Variants in TAF5L observed in about 807,000 individuals in gnomAD.
TAF5L encodes the protein TATA-box binding protein associated factor 5 like.
TAF5L carries 7 observed loss-of-function variants against 51.3 expected under a neutral mutation model. That is an observed-to-expected ratio of 0.14 (90% confidence interval 0.08 to 0.26). The LOEUF (loss-of-function observed/expected upper bound fraction) is 0.26, where lower values mean the gene tolerates loss of function less well. Among genes scored for constraint, TAF5L ranks in the 10% least tolerant of loss-of-function variants. TAF5L has a pLI of 1.00. For missense variants in TAF5L, 575 were observed against 758.9 expected (o/e 0.76, Z 2.85); for synonymous variants, 291 against 308.1 (o/e 0.94, Z 0.58).
chr1:229,621,479 A>G (rs1665200462), intron 1 of TAF5L, among the ~76,000 whole-genome samples: 1 of 152,236 alleles, frequency 6.6e-6, no homozygotes. Context: ...AGTATTTTAT[A>G]GTGTTTTCTA....
At position 229,594,301 on chromosome 1, in the gene TAF5L, T is replaced by C. The variant is rs1459169155; in HGVS notation, c.1766A>G (p.His589Arg). 7.5e-6 allele frequency: 12 copies of C among 1,604,038 alleles called. No homozygotes were observed. Among genetic ancestry groups the C allele is most frequent in the South Asian group, 1.1e-5 (1 of 90,700 alleles). The change falls in exon 5 of 5, where the codon CAT (histidine) becomes CGT (arginine). Residue 589 changes from histidine (H) to arginine (R), a missense_variant. His to Arg is a conservative substitution (Grantham distance 29). Transcript: ENST00000258281. The surrounding 1 kb of genome is among the most constrained non-coding windows in gnomAD (Gnocchi z 7.9). ...CGTTCCAACAAAGTTAAAAAATTAA[T>C]GTTCCTGATTTTCTTGTGTAATTCC... is the stretch of plus-strand genomic sequence containing the variant.
rs1414660406 is a variant in TAF5L at position 229,602,383 on chromosome 1, A to T, written c.784T>A (p.Tyr262Asn). Residue 262 changes from tyrosine (Y) to asparagine (N), a missense_variant, in exon 4 of 5, where the codon TAT becomes AAT. Physicochemically the swap from Tyr to Asn is moderately radical, Grantham distance 143 (BLOSUM62 -2). Around this residue, in one of 3 missense-constraint regions of TAF5L, gnomAD observed 380 missense variants for 443.7 expected, o/e 0.86. Transcript: ENST00000258281. The surrounding 1 kb of genome is among the most constrained non-coding windows in gnomAD (Gnocchi z 4.6). ...AGCTGCTCTGTGTTATAGAAGGCAT[A>T]GAAGCAGATGGTAGTGAGGGAGGGA... 1 of 1,614,220 alleles carries T rather than the reference A, an allele frequency of 6.2e-7. No individual in the cohort carries two copies. The highest frequency in any genetic ancestry group is 1.1e-5 in the South Asian group (1 of 91,082).
At chr1:229,620,957 T>A (rs1242262269) in intron 1 of TAF5L, among the ~76,000 whole-genome samples, 2 of 28,412 alleles carry the variant, frequency 7.0e-5, no homozygotes, top group Non-Finnish European at 1.2e-4. Flanking sequence ...AAAACATTTA[T>A]GTGTGTGTGT....
At chr1:229,600,828 C>T (rs1664346480) in intron 4 of TAF5L, 1 of 985,130 alleles carries the variant, frequency 1.0e-6, no homozygotes, top group South Asian at 4.7e-5. Context: ...TATCAGATGT[C>T]ATAATGCTAT....
chr1:229,594,478 A>G lies in TAF5L; in HGVS notation c.1589T>C (p.Met530Thr), dbSNP rs776768277. ...GTCCCAGACGCGCACCGAGTTGTCC[A>G]TGGAGGCAGAGGCAATCAAGCCGCT... Residue 530 changes from methionine to threonine, a missense_variant, in exon 5 of 5, where the codon ATG becomes ACG. Physicochemically the swap from Met to Thr is moderately conservative, Grantham distance 81 (BLOSUM62 -1). Around this residue, in one of 3 missense-constraint regions of TAF5L, gnomAD observed 91 missense variants for 96.9 expected, o/e 0.94. Coordinates refer to ENST00000258281, the Ensembl canonical transcript of TAF5L. This position sits in a 1 kb window ranked among gnomAD's most constrained non-coding sequence, Gnocchi z 7.9. 2.5e-6 allele frequency: 4 copies of G among 1,613,992 alleles called. No homozygotes were observed. The highest frequency in any genetic ancestry group is 2.5e-6 in the Non-Finnish European group (3 of 1,180,026).
intron 4 of TAF5L, among the ~76,000 whole-genome samples, chr1:229,595,583 G>A (rs774061422): frequency 3.8e-4 from 58 of 152,218 alleles, no homozygotes; most frequent in African/African-American, 1.3e-3. Context: ...ACAACATTTC[G>A]TTAAGTCCTG....
chr1:229,611,602 C>A (rs1052865106), intron 2 of TAF5L, among the ~76,000 whole-genome samples: 1 of 152,092 alleles, frequency 6.6e-6, no homozygotes, highest in Admixed American at 6.5e-5. Flanking sequence ...TCTTCTTGCC[C>A]CCCGCTTAGT....
intron 2 of TAF5L, among the ~76,000 whole-genome samples, chr1:229,611,314 T>C (rs1168297511): frequency 6.6e-6 from 1 of 152,130 alleles, no homozygotes; most frequent in Non-Finnish European, 1.5e-5. Flanking sequence ...TCCTCCTGTT[T>C]ACAAGAGGAG....
chr1:229,601,455 C>T lies in TAF5L; in HGVS notation c.972+740G>A, dbSNP rs534212890. 7 of 985,350 alleles carry T rather than the reference C, an allele frequency of 7.1e-6. No homozygotes were observed. The South Asian group carries it at 1.9e-4, about 26-fold the overall frequency. 61.0% of individuals were successfully genotyped at this position (985,350 alleles called of 1,614,324 possible). ...TAATGCTGTGAAGTTTAATTTCTAT[C>T]TTCCTTGGCCCACATTTTTTCTAAG... On this transcript the variant is annotated intron_variant, in intron 4 of 4. Coordinates refer to ENST00000258281, the Ensembl canonical transcript of TAF5L.
At chr1:229,593,204 T>C (rs971055450) in exon 5 of TAF5L, 4 of 152,178 alleles carry the variant, frequency 2.6e-5, no homozygotes, top group Admixed American at 6.5e-5. Context: ...TTTCCACAAA[T>C]TAGAACTTGC....
rs1221093560 is a variant in TAF5L at position 229,602,417 on chromosome 1, C to T, written c.750G>A (p.Lys250=). ...TGGTAGTGAGGGAGGGAGGCCCATCCTTGACTCGCTTAATGCTCTCCTGTA... is the reference window on the plus strand; with the variant it reads ...TGGTAGTGAGGGAGGGAGGCCCATCTTTGACTCGCTTAATGCTCTCCTGTA... Residue 250 remains lysine, a synonymous_variant, in exon 4 of 5, where the codon AAG becomes AAA. Coordinates refer to ENST00000258281, the Ensembl canonical transcript of TAF5L. This position sits in a 1 kb window ranked among gnomAD's most constrained non-coding sequence, Gnocchi z 4.6. The T allele has an allele frequency of 1.2e-6, 2 of 1,613,994 alleles. No individual in the cohort carries two copies. Among genetic ancestry groups the T allele is most frequent in the Non-Finnish European group, 1.7e-6 (2 of 1,180,020 alleles).
At chr1:229,616,337 A>G (rs12402110) in intron 1 of TAF5L, among the ~76,000 whole-genome samples, 42,463 of 151,470 alleles carry the variant, frequency 0.28, 6,196 homozygotes, top group South Asian at 0.41. Flanking sequence ...TAAGATGTAA[A>G]ATTCCACCTT....
rs1158973384 is a variant in TAF5L, at chr1:229,610,009, C to T, written c.247+97G>A. On this transcript the variant is annotated intron_variant, in intron 3 of 4. Transcript: ENST00000258281. The stretch of plus-strand genomic sequence containing the variant: ...TTTTTAATTTTTCTTTTTACCGCTC[C>T]TTGTGGAGCAGGGCTAACTCACAAG... 16 of 971,942 alleles carry T rather than the reference C, an allele frequency of 1.6e-5. No homozygotes were observed. In the East Asian group the frequency reaches 3.5e-4, roughly 21 times the overall value. The allele number at this position is 971,942 out of a possible 1,614,324, so 60.2% of individuals were successfully genotyped here. A position where few individuals can be genotyped will look rare whatever the true frequency, so the allele number is the denominator to read the frequency against.
At chr1:229,617,446 A>G (rs1665047999) in intron 1 of TAF5L, among the ~76,000 whole-genome samples, 1 of 152,180 alleles carries the variant, frequency 6.6e-6, no homozygotes, top group Non-Finnish European at 1.5e-5. Flanking sequence ...AAAGCAGCCC[A>G]ATTCCCTACT....
Position 229,595,153 on chromosome 1 carries a change from G to A in TAF5L, c.973-59C>T, listed in dbSNP as rs892069672. 5.3e-6 allele frequency: 8 copies of A among 1,505,598 alleles called. No homozygotes were observed. The African/African-American group carries it at 1.1e-4, about 21-fold the overall frequency. The allele number at this position is 1,505,598 out of a possible 1,614,324, so 93.3% of individuals were successfully genotyped here. On this transcript the variant is annotated intron_variant, in intron 4 of 4. Transcript: ENST00000258281. ...ACACACAAAAAATGTTCAGTGGTCT[G>A]ACAAGGAAAACAAGTCCAGGAGAAA... is the stretch of plus-strand genomic sequence containing the variant.
chr1:229,599,807 T>C (rs975488588), intron 4 of TAF5L: 6 of 984,826 alleles, frequency 6.1e-6, no homozygotes, highest in African/African-American at 1.7e-5. Flanking sequence ...AGAAGTGGAA[T>C]TGCTGGGTGT....
chr1:229,602,013 T>C lies in TAF5L; in HGVS notation c.972+182A>G. 1 of 1,428,760 alleles carries C rather than the reference T, an allele frequency of 7.0e-7. No individual in the cohort carries two copies. Among genetic ancestry groups the C allele is most frequent in the Non-Finnish European group, 9.1e-7 (1 of 1,093,126 alleles). 88.5% of individuals were successfully genotyped at this position (1,428,760 alleles called of 1,614,324 possible). ...GAAGTTAATGCTGCTAAAAATTGTT[T>C]TTGCATCTTAGGTTAGGCATGTGCA... On this transcript the variant is annotated intron_variant, in intron 4 of 4. Transcript: ENST00000258281. The surrounding 1 kb of genome is among the most constrained non-coding windows in gnomAD (Gnocchi z 4.6).
At chr1:229,611,606 G>A (rs1489363236) in intron 2 of TAF5L, among the ~76,000 whole-genome samples, 1 of 152,020 alleles carries the variant, frequency 6.6e-6, no homozygotes, top group Non-Finnish European at 1.5e-5. Flanking sequence ...CTTGCCCCCC[G>A]CTTAGTTACT....
At chr1:229,614,302 G>C in intron 2 of TAF5L, 39 bp downstream of exon 2, 2 of 1,614,212 alleles carry the variant, frequency 1.2e-6, no homozygotes, top group Non-Finnish European at 1.7e-6. Context: ...GAGTTCTCCT[G>C]CTCCAGGCTC....
Sources: allele counts gnomAD v4.1 joint callset (sites outside exome capture counted in the v4.1 genomes callset), GRCh38; gene constraint gnomAD v4.1.1; regional missense constraint gnomAD v4.1.1; non-coding constraint Gnocchi (gnomAD v3.1); transcripts MANE v1.5; gene names NCBI Gene and HGNC (gene_info 2026-07-23, HGNC 2026-07-21).